The following KL variants were observed in gnomAD, a reference collection of about 807,000 sequenced individuals.
KL encodes alpha-klotho.
A neutral mutation model predicts 84.2 loss-of-function variants in KL; 62 were observed. The observed-to-expected ratio is 0.74, with a 90% confidence interval of 0.60 to 0.91. The LOEUF (loss-of-function observed/expected upper bound fraction) is 0.91, where lower values mean the gene tolerates loss of function less well. Among genes scored for constraint, KL ranks in the 40% least tolerant of loss-of-function variants. The pLI, the probability that KL is intolerant of heterozygous loss-of-function variation, is 0.00. For synonymous variants in KL, 528 were observed against 528.0 expected, an observed-to-expected ratio of 1.00 and a Z score of 0.00; for missense variants, 1,261 against 1,305.7, an observed-to-expected ratio of 0.97 and a Z score of 0.53.
intron 1 of KL, among the ~76,000 whole-genome samples, chr13:33,026,075 G>C (rs989937884): frequency 1.6e-4 from 25 of 152,286 alleles, no homozygotes; most frequent in African/African-American, 6.0e-4. Flanking sequence ...ATTATTAAAA[G>C]GCAGCCCATG....
At chr13:33,042,670 A>C (rs894862239) in intron 1 of KL, among the ~76,000 whole-genome samples, 14 of 152,148 alleles carry the variant, frequency 9.2e-5, no homozygotes, top group African/African-American at 3.4e-4. Flanking sequence ...ATTGCGATTT[A>C]AGCTACTATA....
chr13:33,060,642 G>T (rs763071927), intron 3 of KL, 37 bp from the exon 4 acceptor site: 2 of 1,613,514 alleles, frequency 1.2e-6, no homozygotes, highest in Non-Finnish European at 1.7e-6. Context: ...CCTCAGGACT[G>T]CCCAGGTGAC....
chr13:33,044,703 T>G (rs1221637290), intron 1 of KL, among the ~76,000 whole-genome samples: 17 of 130,466 alleles, frequency 1.3e-4, no homozygotes, highest in African/African-American at 4.7e-4. Context: ...CAGGCTGGAG[T>G]GCAGTGGCGT....
At position 33,017,087 on chromosome 13, in the gene KL, T is replaced by C; in HGVS notation, c.647T>C (p.Phe216Ser). Residue 216 changes from phenylalanine (F) to serine (S), a missense_variant, in exon 1 of 5, where the codon TTC (phenylalanine) becomes TCC (serine). Physicochemically the swap from Phe to Ser is radical, Grantham distance 155 (BLOSUM62 -2). Transcript: ENST00000380099. The stretch of plus-strand genomic sequence containing the variant: ...GCCAACCGCGCCCTGGCCGACCACT[T>C]CAGGGATTACGCGGAGCTCTGCTTC... ...GWANRALADH[F>S]RDYAELCFRH... 1 of 1,605,506 alleles carries C rather than the reference T, an allele frequency of 6.2e-7. No individual in the cohort carries two copies. Among genetic ancestry groups the C allele is most frequent in the Non-Finnish European group, 8.5e-7 (1 of 1,179,638 alleles).
chr13:33,033,626 C>T (rs1019483024), intron 1 of KL, among the ~76,000 whole-genome samples: 1 of 152,102 alleles, frequency 6.6e-6, no homozygotes, highest in Admixed American at 6.5e-5. Context: ...AGTCTATGGT[C>T]ACAAGCTCCT....
Position 33,053,916 on chromosome 13 carries a change from A to G in KL, c.969A>G (p.Val323=). 6.2e-7 allele frequency: 1 copy of G among 1,614,204 alleles called. No homozygotes were observed. The highest frequency in any genetic ancestry group is 8.5e-7 in the Non-Finnish European group (1 of 1,180,024). Reference sequence around the variant, plus strand: ...AATGTCAAAAATCTCTGGACTTTGTACTAGGTTGGTTTGCCAAACCCGTAT... The same window carrying G: ...AATGTCAAAAATCTCTGGACTTTGTGCTAGGTTGGTTTGCCAAACCCGTAT... The part of the protein sequence containing the change: ...IKECQKSLDF[V]LGWFAKPVFI... The change falls in exon 2 of 5, where the codon GTA becomes GTG. Residue 323 remains valine, a synonymous_variant. Transcript: ENST00000380099.
At chr13:33,036,413 C>T (rs1871148817) in intron 1 of KL, among the ~76,000 whole-genome samples, 1 of 145,896 alleles carries the variant, frequency 6.9e-6, no homozygotes, top group Admixed American at 6.7e-5. Context: ...ACACACACCA[C>T]ACCACACACA....
chr13:33,053,184 G>A (rs1871817394), intron 1 of KL, among the ~76,000 whole-genome samples: 1 of 152,160 alleles, frequency 6.6e-6, no homozygotes, highest in Non-Finnish European at 1.5e-5. Flanking sequence ...CTGGAGGGTA[G>A]GCCAAGGTTA....
At chr13:33,029,622 GTTATTTATTTAT>G (rs573407299) in intron 1 of KL, among the ~76,000 whole-genome samples, 2 of 152,000 alleles carry the variant, frequency 1.3e-5, no homozygotes, top group African/African-American at 2.4e-5. Flanking sequence ...CTGAGACTAG[GTTATTTATTTAT>G]TTATTTATTT....
chr13:33,063,369 G>A (rs917653609), intron 4 of KL, among the ~76,000 whole-genome samples: 2 of 151,906 alleles, frequency 1.3e-5, no homozygotes, highest in African/African-American at 4.8e-5. Flanking sequence ...CTCAATATTT[G>A]TCTTGATAAT....
Position 33,064,724 on chromosome 13 carries a change from C to T in KL, c.*538C>T, listed in dbSNP as rs1447133417. 1.3e-5 allele frequency: 3 copies of T among 224,540 alleles called. No individual in the cohort carries two copies. The highest frequency in any genetic ancestry group is 8.9e-6 in the Non-Finnish European group (1 of 112,834). 13.9% of individuals were successfully genotyped at this position (224,540 alleles called of 1,614,324 possible). ...CAGAGGGTCCTAGGCTGGAATGTTC[C>T]TTTCGAAAGCAATGCTTCTATCAAA... is the stretch of plus-strand genomic sequence containing the variant. On this transcript the variant is annotated 3_prime_UTR_variant, in exon 5 of 5. Coordinates refer to ENST00000380099, the MANE Select transcript of KL (RefSeq NM_004795.4).
At chr13:33,059,323 T>TAA (rs1872084414) in intron 3 of KL, among the ~76,000 whole-genome samples, 1 of 152,232 alleles carries the variant, frequency 6.6e-6, no homozygotes, top group Non-Finnish European at 1.5e-5. Context: ...GGGAGGATTT[T>TAA]ATAGCATATG....
intron 1 of KL, among the ~76,000 whole-genome samples, chr13:33,027,018 C>T (rs563275386): frequency 3.9e-5 from 6 of 152,218 alleles, no homozygotes; most frequent in Non-Finnish European, 4.4e-5. Context: ...AGCAACTTTA[C>T]CGCGTCTCCT....
chr13:33,039,390 T>A (rs1871254688), intron 1 of KL, among the ~76,000 whole-genome samples: 1 of 152,228 alleles, frequency 6.6e-6, no homozygotes, highest in South Asian at 2.1e-4. Flanking sequence ...AATGAATGAA[T>A]AATTCCACAT....
In KL at chr13:33,026,889, A is replaced by T. The variant is rs192701845; in HGVS notation, c.819+9630A>T. ...CCTCACATAATATACTGGTTCTTGC[A>T]TGCCAGCTTCTCTCTGCTTCTTGAT... is the stretch of plus-strand genomic sequence containing the variant. On this transcript the variant is annotated intron_variant, in intron 1 of 4. Transcript: ENST00000380099. Among the ~76,000 whole-genome samples the T allele has an allele frequency of 8.6e-4, 131 of 152,280 alleles. 1 individual carries two copies. The highest frequency in any genetic ancestry group is 3.4e-3 in the Middle Eastern group (1 of 294).
intron 1 of KL, among the ~76,000 whole-genome samples, chr13:33,024,159 A>G (rs1870673675): frequency 6.7e-6 from 1 of 148,482 alleles, no homozygotes; most frequent in South Asian, 2.2e-4. Context: ...ATATTTGAAA[A>G]GACCAGTACG....
intron 1 of KL, among the ~76,000 whole-genome samples, chr13:33,037,056 CTAA>C (rs1464957445): frequency 6.6e-6 from 1 of 152,016 alleles, no homozygotes; most frequent in Admixed American, 6.6e-5. Flanking sequence ...ACTGAATATA[CTAA>C]TGTTTGAGGG....
intron 3 of KL, among the ~76,000 whole-genome samples, chr13:33,059,316 A>G (rs1268161877): frequency 6.6e-6 from 1 of 152,150 alleles, no homozygotes; most frequent in Non-Finnish European, 1.5e-5. Flanking sequence ...TTTATTTGGG[A>G]GGATTTTATA....
chr13:33,048,225 A>G (rs2772368), intron 1 of KL, among the ~76,000 whole-genome samples: 101,087 of 151,932 alleles, frequency 0.67, 34,113 homozygotes, highest in Admixed American at 0.76. Flanking sequence ...ATATTATAGG[A>G]AGCCTGGTCA....
Sources: gnomAD v4.1 joint callset for allele counts (sites outside exome capture counted in the v4.1 genomes callset) on GRCh38, gnomAD v4.1.1 for gene constraint, MANE v1.5 for transcripts, NCBI Gene and HGNC (gene_info 2026-07-23, HGNC 2026-07-21) for gene names.